NRXN3: variants seen among roughly 807,000 people sequenced by gnomAD.
NRXN3 encodes the protein neurexin III.
In NRXN3, 32 loss-of-function variants were observed where a neutral mutation model predicts 137.6. The observed-to-expected ratio is 0.23, with a 90% CI of 0.18 to 0.31. NRXN3 has a LOEUF of 0.31. NRXN3 is among the 10% of genes least tolerant of loss of function. The pLI is 1.00. For missense variants in NRXN3, 1,574 were observed against 2,062.5 expected, an observed-to-expected ratio of 0.76 and a Z score of 4.59; for synonymous variants, 798 against 784.5, an observed-to-expected ratio of 1.02 and a Z score of -0.29.
At position 78,675,472 on chromosome 14, in the gene NRXN3, T is replaced by C. The variant is rs558262815; in HGVS notation, c.1221+24146T>C. ...TGGTCCAGTGCATTTCTGTTTACCA[T>C]ACCTTTATTCCTCTAAATTTTTTCA... On this transcript the variant is annotated intron_variant, in intron 6 of 20. Transcript: ENST00000335750. Among the ~76,000 whole-genome samples the C allele has an allele frequency of 7.2e-5, 11 of 152,270 alleles. No individual in the cohort carries two copies. In the South Asian group the frequency reaches 2.1e-3, roughly 29 times the overall value.
intron 20 of NRXN3, among the ~76,000 whole-genome samples, chr14:79,849,235 C>T (rs959347380): frequency 6.6e-6 from 1 of 152,098 alleles, no homozygotes. Context: ...TTCTCCATAC[C>T]GAAGCCAAAG....
chr14:79,339,612 G>C (rs1186265853), intron 15 of NRXN3, among the ~76,000 whole-genome samples: 1 of 152,160 alleles, frequency 6.6e-6, no homozygotes, highest in Non-Finnish European at 1.5e-5. Context: ...CAGATGTAAT[G>C]AATTAGAATT....
chr14:78,210,695 A>T (rs2062660348), intron 1 of NRXN3, among the ~76,000 whole-genome samples: 1 of 151,864 alleles, frequency 6.6e-6, no homozygotes, highest in Admixed American at 6.6e-5. Flanking sequence ...CCCTGGCCCC[A>T]GGCAACCACG....
At chr14:79,281,425 A>G (rs2081260000) in intron 15 of NRXN3, among the ~76,000 whole-genome samples, 1 of 152,272 alleles carries the variant, frequency 6.6e-6, no homozygotes, top group African/African-American at 2.4e-5. Flanking sequence ...GCTGCCTCTA[A>G]AAGGGCGATG....
intron 15 of NRXN3, among the ~76,000 whole-genome samples, chr14:79,306,145 G>A (rs557268005): frequency 6.6e-6 from 1 of 152,144 alleles, no homozygotes; most frequent in South Asian, 2.1e-4. Flanking sequence ...TGTGAGCTGG[G>A]ATGCTCTGTC....
In NRXN3 at chr14:79,181,715, T is replaced by A. The variant is rs538723939; in HGVS notation, c.3262+193574T>A. On this transcript the variant is annotated intron_variant, in intron 15 of 20. Transcript: ENST00000335750. ...AAAAAAAAAAAATCTTATGATAACA[T>A]GAAAACTTATTTTTTTATAAAGTGA... 2.0e-5 allele frequency among the ~76,000 whole-genome samples: 3 copies of A among 149,836 alleles called. No individual in the cohort carries two copies. The South Asian group carries it at 6.3e-4, about 32-fold the overall frequency.
intron 15 of NRXN3, among the ~76,000 whole-genome samples, chr14:79,350,312 T>C (rs2093142182): frequency 6.6e-6 from 1 of 152,200 alleles, no homozygotes; most frequent in Non-Finnish European, 1.5e-5. Context: ...GCACAGACTT[T>C]GTTAAGCCTG....
At chr14:79,787,272 CAAATT>C (rs2099132081) in intron 19 of NRXN3, among the ~76,000 whole-genome samples, 1 of 152,020 alleles carries the variant, frequency 6.6e-6, no homozygotes, top group Non-Finnish European at 1.5e-5. Context: ...TTTTAACTGA[CAAATT>C]AATAATTGTA....
At chr14:78,380,515 G>C (rs529913227) in intron 4 of NRXN3, among the ~76,000 whole-genome samples, 1 of 152,224 alleles carries the variant, frequency 6.6e-6, no homozygotes, top group Non-Finnish European at 1.5e-5. Flanking sequence ...AGACACAAAG[G>C]AGAAGGCAAT....
At chr14:79,114,236 A>G (rs2054011848) in intron 15 of NRXN3, among the ~76,000 whole-genome samples, 1 of 152,230 alleles carries the variant, frequency 6.6e-6, no homozygotes, top group Non-Finnish European at 1.5e-5. Context: ...GGTGCTGCTA[A>G]ACATCCTACA....
intron 15 of NRXN3, among the ~76,000 whole-genome samples, chr14:79,260,619 A>T (rs1296575285): frequency 6.6e-6 from 1 of 152,108 alleles, no homozygotes; most frequent in Non-Finnish European, 1.5e-5. Context: ...CATTACAGAA[A>T]TAGAAAGCCC....
chr14:79,198,193 C>T (rs1425275057), intron 15 of NRXN3, among the ~76,000 whole-genome samples: 1 of 152,182 alleles, frequency 6.6e-6, no homozygotes, highest in Non-Finnish European at 1.5e-5. Context: ...AGCATGTTCT[C>T]CTTCCCCCTT....
At chr14:79,604,044 C>T (rs749512708) in intron 16 of NRXN3, among the ~76,000 whole-genome samples, 3 of 151,852 alleles carry the variant, frequency 2.0e-5, no homozygotes, top group South Asian at 2.1e-4. Flanking sequence ...CCCACCACCA[C>T]GCCCAGATAA....
At chr14:78,633,267 A>AAAAAAAAAAAAAGAG (rs1376443966) in intron 4 of NRXN3, among the ~76,000 whole-genome samples, 3 of 150,180 alleles carry the variant, frequency 2.0e-5, no homozygotes, top group Admixed American at 6.6e-5. Context: ...AAAAAAAAAA[A>AAAAAAAAAAAAAGAG]AGAGACTGGT....
At chr14:79,264,786 A>T (rs941744316) in intron 15 of NRXN3, among the ~76,000 whole-genome samples, 3 of 152,150 alleles carry the variant, frequency 2.0e-5, no homozygotes, top group African/African-American at 7.2e-5. Context: ...AAATCAAAAC[A>T]TCTTTCAGAT....
intron 15 of NRXN3, among the ~76,000 whole-genome samples, chr14:79,006,153 G>C (rs74327911): frequency 0.018 from 2,760 of 152,242 alleles, 88 homozygotes; most frequent in African/African-American, 0.062. Flanking sequence ...AAAATAGTAA[G>C]CTTTGTTGAG....
At chr14:78,881,642 C>T (rs2099129438) in intron 10 of NRXN3, among the ~76,000 whole-genome samples, 1 of 151,452 alleles carries the variant, frequency 6.6e-6, no homozygotes, top group African/African-American at 2.4e-5. Context: ...CAAGACGTGA[C>T]TTGGGTGCTG....
chr14:78,304,687 C>A (rs550340392), intron 4 of NRXN3, among the ~76,000 whole-genome samples: 1 of 152,246 alleles, frequency 6.6e-6, no homozygotes, highest in East Asian at 1.9e-4. Flanking sequence ...GTCACAGACC[C>A]AAAAGCCAGC....
rs1027142667 is a variant in NRXN3 at position 79,292,534 on chromosome 14, G to A, written c.3263-174687G>A. ...CTGCCAGCTTTGCTTTCAAAAGTGT[G>A]GCATTCATCTTTCATTAATGCCAAA... On this transcript the variant is annotated intron_variant, in intron 15 of 20. Transcript: ENST00000335750. Among the ~76,000 whole-genome samples the A allele has an allele frequency of 2.6e-5, 4 of 152,148 alleles. No homozygotes were observed. The East Asian group carries it at 7.7e-4, about 29-fold the overall frequency.
Sources: gnomAD v4.1 joint callset for allele counts (sites outside exome capture counted in the v4.1 genomes callset) on GRCh38, gnomAD v4.1.1 for gene constraint, MANE v1.5 for transcripts, NCBI Gene and HGNC (gene_info 2026-07-23, HGNC 2026-07-21) for gene names.